Variants in CDH19 observed in about 807,000 individuals in gnomAD.
The protein encoded by CDH19 is cadherin 19.
In CDH19, 67 loss-of-function variants were observed where a neutral mutation model predicts 64.2. The ratio of observed to expected loss-of-function variants is 1.04; its 90% confidence interval spans 0.86 to 1.28. The LOEUF is 1.28. CDH19 is among the 50% of genes most tolerant of loss of function. CDH19 has a pLI of 0.00. For synonymous variants in CDH19, 346 were observed against 319.3 expected (o/e 1.08, Z -0.89); for missense variants, 1,030 against 929.0 (o/e 1.11, Z -1.41).
intron 6 of CDH19, 52 bp downstream of exon 6, chr18:66,544,667 T>C (rs1203386604): frequency 8.2e-7 from 1 of 1,224,970 alleles, no homozygotes; most frequent in Non-Finnish European, 1.1e-6. Context: ...CAAAATATGT[T>C]ATGTTTTAAT....
intron 9 of CDH19, among the ~76,000 whole-genome samples, chr18:66,515,507 A>G (rs1985697376): frequency 6.6e-6 from 1 of 151,854 alleles, no homozygotes; most frequent in African/African-American, 2.4e-5. Context: ...GCAAAATATT[A>G]GAAGAAAAAT....
intron 10 of CDH19, 97 bp from the exon 11 acceptor site, chr18:66,509,343 A>T (rs913317432): frequency 9.8e-7 from 1 of 1,019,146 alleles, no homozygotes; most frequent in African/African-American, 1.6e-5. Context: ...TAGAGATATG[A>T]TCAAGTAAGT....
intron 1 of CDH19, among the ~76,000 whole-genome samples, chr18:66,596,758 A>T (rs1988899190): frequency 6.6e-6 from 1 of 152,166 alleles, no homozygotes; most frequent in Admixed American, 6.5e-5. Context: ...TTTTTATCAA[A>T]CTACCAAAGA....
At chr18:66,551,312 C>G in intron 4 of CDH19, 54 bp from the exon 5 acceptor site, 1 of 995,982 alleles carries the variant, frequency 1.0e-6, no homozygotes, top group Non-Finnish European at 1.6e-6. Context: ...TGACAAAGTT[C>G]TAGTTAATTT....
chr18:66,526,386 T>C (rs1023972226), intron 9 of CDH19, among the ~76,000 whole-genome samples: 1 of 152,136 alleles, frequency 6.6e-6, no homozygotes, highest in African/African-American at 2.4e-5. Context: ...CTCTCCTCAG[T>C]AGAGTTTAAG....
chr18:66,561,586 A>G (rs1987724863), intron 3 of CDH19, among the ~76,000 whole-genome samples: 1 of 152,124 alleles, frequency 6.6e-6, no homozygotes, highest in Admixed American at 6.6e-5. Flanking sequence ...AGAGAGTGAA[A>G]AAATGCTTTT....
chr18:66,502,570 G>C lies in CDH19; in HGVS notation c.*2242C>G, dbSNP rs1384934281. 6.6e-6 allele frequency: 1 copy of C among 151,748 alleles called. No homozygotes were observed. The allele number at this position is 151,748 out of a possible 1,614,324, so 9.4% of individuals were successfully genotyped here. A position where few individuals can be genotyped will look rare whatever the true frequency, so the allele number is the denominator to read the frequency against. On this transcript the variant is annotated 3_prime_UTR_variant, in exon 12 of 12. Coordinates refer to ENST00000262150, the MANE Select transcript of CDH19 (RefSeq NM_021153.4). ...ATCATACTTTTTAGTTTTCTACTAA[G>C]ATTACCTAGCATTCTTTTTAAATAA...
intron 1 of CDH19, among the ~76,000 whole-genome samples, chr18:66,591,915 A>C (rs923369278): frequency 6.6e-6 from 1 of 151,834 alleles, no homozygotes; most frequent in African/African-American, 2.4e-5. Context: ...TCTCTTTTCT[A>C]ATCTCCAGAC....
At chr18:66,520,637 C>G (rs959473292) in intron 9 of CDH19, among the ~76,000 whole-genome samples, 3 of 151,998 alleles carry the variant, frequency 2.0e-5, no homozygotes, top group African/African-American at 4.8e-5. Context: ...TTTACCCATT[C>G]TACCTATTAA....
chr18:66,575,223 G>A (rs1988231409), intron 1 of CDH19, among the ~76,000 whole-genome samples: 1 of 151,740 alleles, frequency 6.6e-6, no homozygotes. Flanking sequence ...GGACTCTGGG[G>A]TCGGGGGAGT....
At chr18:66,545,677 A>G (rs1162514939) in intron 5 of CDH19, among the ~76,000 whole-genome samples, 1 of 152,112 alleles carries the variant, frequency 6.6e-6, no homozygotes, top group Non-Finnish European at 1.5e-5. Context: ...CTGATACCTG[A>G]AGTTACTGAA....
At chr18:66,577,618 T>TA (rs1342474015) in intron 1 of CDH19, among the ~76,000 whole-genome samples, 1 of 151,960 alleles carries the variant, frequency 6.6e-6, no homozygotes, top group African/African-American at 2.4e-5. Flanking sequence ...AAAGATTTCT[T>TA]ACAACAATAT....
rs1020965050 is a variant in CDH19 at position 66,505,219 on chromosome 18, T to C, written c.1912A>G (p.Ile638Val). The change falls in exon 12 of 12, where the codon ATA becomes GTA. Residue 638 changes from isoleucine to valine, a missense_variant. Ile to Val is a conservative substitution (Grantham distance 29, BLOSUM62 3). Coordinates refer to ENST00000262150, the MANE Select transcript of CDH19 (RefSeq NM_021153.4). The stretch of plus-strand genomic sequence containing the variant: ...CCCCCTTCATCATCATATTGGAATA[T>C]ATTCTCTCTGAAATCTTCACTTTTC... Reference protein sequence around the residue: ...PEKSEDFRENIFQYDDEGGGE... With the variant: ...PEKSEDFRENVFQYDDEGGGE... 3 of 1,609,846 alleles carry C rather than the reference T, an allele frequency of 1.9e-6. No homozygotes were observed. The highest frequency in any genetic ancestry group is 1.1e-5 in the South Asian group (1 of 90,456).
At chr18:66,510,595 T>C (rs1420913634) in intron 10 of CDH19, among the ~76,000 whole-genome samples, 2 of 142,738 alleles carry the variant, frequency 1.4e-5, no homozygotes, top group Non-Finnish European at 3.0e-5. Flanking sequence ...ATAATAATAA[T>C]AATAATAATA....
chr18:66,578,050 A>C (rs867592035), intron 1 of CDH19, among the ~76,000 whole-genome samples: 2 of 151,900 alleles, frequency 1.3e-5, no homozygotes, highest in Non-Finnish European at 2.9e-5. Flanking sequence ...TTTAAAGTCC[A>C]CTTGGATAAT....
rs1234963783 is a variant in CDH19 at position 66,501,737 on chromosome 18, A to T, written c.*3075T>A. ...TGCTGCTGGTTTTACATATCTTATT[A>T]TTAATTCTTCATAACAACCATGTGA... On this transcript the variant is annotated 3_prime_UTR_variant, in exon 12 of 12. Transcript: ENST00000262150. 2 of 152,132 alleles carry T rather than the reference A, an allele frequency of 1.3e-5. No homozygotes were observed. Among genetic ancestry groups the T allele is most frequent in the African/African-American group, 4.8e-5 (2 of 41,458 alleles). 9.4% of individuals were successfully genotyped at this position (152,132 alleles called of 1,614,324 possible).
chr18:66,591,707 C>A (rs1250986447), intron 1 of CDH19, among the ~76,000 whole-genome samples: 1 of 151,778 alleles, frequency 6.6e-6, no homozygotes, highest in Non-Finnish European at 1.5e-5. Flanking sequence ...AAGTGGAATT[C>A]TATTTACCTA....
chr18:66,521,320 T>A (rs781289716), intron 9 of CDH19, among the ~76,000 whole-genome samples: 1 of 152,156 alleles, frequency 6.6e-6, no homozygotes, highest in Non-Finnish European at 1.5e-5. Flanking sequence ...ACAGAGTGCT[T>A]GGAAATTTCT....
chr18:66,589,525 C>T (rs941351659), intron 1 of CDH19, among the ~76,000 whole-genome samples: 5 of 151,892 alleles, frequency 3.3e-5, no homozygotes, highest in African/African-American at 1.2e-4. Context: ...CCTAGACAAA[C>T]ATATCATCCA....
Sources: allele counts gnomAD v4.1 joint callset (sites outside exome capture counted in the v4.1 genomes callset), GRCh38; gene constraint gnomAD v4.1.1; transcripts MANE v1.5; gene names NCBI Gene and HGNC (gene_info 2026-07-23, HGNC 2026-07-21).